The following SHISAL2B variants were observed in gnomAD, a reference collection of about 807,000 sequenced individuals.
SHISAL2B encodes the protein protein shisa-like-2B.
Under a neutral mutation model 16.5 loss-of-function variants are expected in SHISAL2B, and 12 were observed. The ratio of observed to expected loss-of-function variants is 0.73; its 90% confidence interval spans 0.47 to 1.18. The LOEUF (loss-of-function observed/expected upper bound fraction) is 1.18. Among genes scored for constraint, SHISAL2B ranks in the 50% most tolerant of loss-of-function variants. SHISAL2B has a pLI of 0.00. For missense variants in SHISAL2B, 183 were observed against 193.6 expected (o/e 0.95, Z 0.33); for synonymous variants, 72 against 75.0 (o/e 0.96, Z 0.21).
At chr5:64,711,218 A>G (rs1327142633) in intron 2 of SHISAL2B, among the ~76,000 whole-genome samples, 12 of 135,118 alleles carry the variant, frequency 8.9e-5, no homozygotes, top group East Asian at 2.2e-4. Context: ...TCCCATCAAT[A>G]CCTAATTTAT....
chr5:64,712,607 T>A (rs1178821274), intron 2 of SHISAL2B, among the ~76,000 whole-genome samples: 1 of 151,262 alleles, frequency 6.6e-6, no homozygotes, highest in Non-Finnish European at 1.5e-5. Flanking sequence ...TGACTTTCTG[T>A]CTCGTTGATC....
chr5:64,696,324 CAAATTGATTGTA>C (rs1741733989), intron 2 of SHISAL2B, among the ~76,000 whole-genome samples: 1 of 152,134 alleles, frequency 6.6e-6, no homozygotes, highest in Non-Finnish European at 1.5e-5. Flanking sequence ...TTAAACTGTA[CAAATTGATTGTA>C]AAACATGTGT....
At chr5:64,699,547 A>C (rs1364314233) in intron 2 of SHISAL2B, among the ~76,000 whole-genome samples, 1 of 152,254 alleles carries the variant, frequency 6.6e-6, no homozygotes, top group Non-Finnish European at 1.5e-5. Flanking sequence ...GGAATATAAT[A>C]GAATATTTAA....
intron 2 of SHISAL2B, among the ~76,000 whole-genome samples, chr5:64,716,702 A>T (rs952456036): frequency 3.3e-5 from 5 of 152,182 alleles, no homozygotes; most frequent in East Asian, 3.9e-4. Flanking sequence ...TCAGTGCAAA[A>T]GTCCTAAGGG....
chr5:64,713,598 T>C (rs1324192625), intron 2 of SHISAL2B, among the ~76,000 whole-genome samples: 1 of 104,674 alleles, frequency 9.6e-6, no homozygotes, highest in African/African-American at 6.2e-5. Flanking sequence ...CCTTGCTAGA[T>C]TGGGGAAGTT....
At position 64,690,792 on chromosome 5, in the gene SHISAL2B, C is replaced by T; in HGVS notation, c.169C>T (p.His57Tyr). 1 of 1,543,348 alleles carries T rather than the reference C, an allele frequency of 6.5e-7. No individual in the cohort carries two copies. Among genetic ancestry groups the T allele is most frequent in the Non-Finnish European group, 8.7e-7 (1 of 1,151,246 alleles). Residue 57 changes from histidine (H) to tyrosine (Y), a missense_variant, in exon 1 of 3, where the codon CAC becomes TAC. Transcript: ENST00000389074. ...GCCGGGCAGCTACTTCCCCTACAAG[C>T]ACAGCTACATGTGGAGCCTCAGGTG... ...SEPGSYFPYKHSYMWSLSIGA... is the reference protein window; with the variant it reads ...SEPGSYFPYKYSYMWSLSIGA...
chr5:64,696,363 A>T (rs1741734766), intron 2 of SHISAL2B, among the ~76,000 whole-genome samples: 1 of 152,196 alleles, frequency 6.6e-6, no homozygotes, highest in Non-Finnish European at 1.5e-5. Flanking sequence ...ACAATATGAA[A>T]TCAGTGCACC....
intron 1 of SHISAL2B, among the ~76,000 whole-genome samples, chr5:64,695,225 A>G (rs975025794): frequency 1.3e-4 from 19 of 149,866 alleles, no homozygotes; most frequent in Non-Finnish European, 5.9e-5. Context: ...AGATTGTGCC[A>G]TTGCACTCTA....
At chr5:64,697,845 C>A (rs275831) in intron 2 of SHISAL2B, among the ~76,000 whole-genome samples, 25,417 of 152,126 alleles carry the variant, frequency 0.17, 2,585 homozygotes, top group Non-Finnish European at 0.23. Flanking sequence ...TTATGGGGTA[C>A]CTGTTCTGTG....
chr5:64,703,402 TTA>T (rs1441151354), intron 2 of SHISAL2B, among the ~76,000 whole-genome samples: 1 of 152,190 alleles, frequency 6.6e-6, no homozygotes, highest in Non-Finnish European at 1.5e-5. Flanking sequence ...GCCTAGAATT[TTA>T]TACAACTGCT....
Position 64,690,621 on chromosome 5 carries a change from G to C in SHISAL2B, c.-3G>C. Reference sequence around the variant, plus strand: ...CGCGAGCCTCTCCCGGCCCCTGCCCGCGATGAGCGAGGCCAGCCGACTGTG... The same window carrying C: ...CGCGAGCCTCTCCCGGCCCCTGCCCCCGATGAGCGAGGCCAGCCGACTGTG... On this transcript the variant is annotated 5_prime_UTR_variant, in exon 1 of 3. Transcript: ENST00000389074. 6.7e-7 allele frequency: 1 copy of C among 1,484,146 alleles called. No individual in the cohort carries two copies. The highest frequency in any genetic ancestry group is 1.3e-5 in the South Asian group (1 of 77,826). 91.9% of individuals were successfully genotyped at this position (1,484,146 alleles called of 1,614,324 possible). A position where few individuals can be genotyped will look rare whatever the true frequency, so the allele number is the denominator to read the frequency against.
chr5:64,697,375 A>G (rs1741754149), intron 2 of SHISAL2B, among the ~76,000 whole-genome samples: 1 of 152,256 alleles, frequency 6.6e-6, no homozygotes, highest in Admixed American at 6.5e-5. Flanking sequence ...ATTGCAAACT[A>G]GTTAAAATAT....
At chr5:64,694,075 C>T (rs1418286158) in intron 1 of SHISAL2B, 1 of 455,858 alleles carries the variant, frequency 2.2e-6, no homozygotes, top group Admixed American at 2.4e-5. Flanking sequence ...CCTTCCCTCC[C>T]TTTTGGTACA....
chr5:64,708,912 A>G (rs1580525015), intron 2 of SHISAL2B, among the ~76,000 whole-genome samples: 1 of 152,010 alleles, frequency 6.6e-6, no homozygotes, highest in Admixed American at 6.6e-5. Context: ...TAAAGTCATT[A>G]TTGTGCCACT....
intron 2 of SHISAL2B, among the ~76,000 whole-genome samples, chr5:64,696,242 C>G (rs116545078): frequency 0.062 from 9,511 of 152,254 alleles, 398 homozygotes; most frequent in Middle Eastern, 0.088. Flanking sequence ...TTATGCCTGT[C>G]TTTACCATAA....
intron 1 of SHISAL2B, chr5:64,694,079 T>G (rs771836871): frequency 2.0e-5 from 9 of 455,718 alleles, no homozygotes; most frequent in Non-Finnish European, 3.5e-5. Flanking sequence ...CCCTCCCTTT[T>G]GGTACAGGTC....
intron 2 of SHISAL2B, among the ~76,000 whole-genome samples, chr5:64,713,366 C>T (rs1414701178): frequency 1.9e-4 from 17 of 89,910 alleles, no homozygotes; most frequent in African/African-American, 1.5e-3. Context: ...TGAATATTGG[C>T]CCCCACTCTC....
rs565971092 is a variant in SHISAL2B at position 64,717,441 on chromosome 5, T to C, written c.350-448T>C. ...ATTTTGGACTCATATTTATATGGAGTGAGTGAATGGGATTGTGGCACTACT... is the reference window on the plus strand; with the variant it reads ...ATTTTGGACTCATATTTATATGGAGCGAGTGAATGGGATTGTGGCACTACT... On this transcript the variant is annotated intron_variant, in intron 2 of 2. Transcript: ENST00000389074. Among the ~76,000 whole-genome samples, 7 of 152,282 alleles carry C rather than the reference T, an allele frequency of 4.6e-5. No homozygotes were observed. The South Asian group carries it at 8.3e-4, about 18-fold the overall frequency.
intron 1 of SHISAL2B, among the ~76,000 whole-genome samples, chr5:64,692,723 C>G (rs185020268): frequency 3.9e-5 from 6 of 152,294 alleles, no homozygotes; most frequent in African/African-American, 1.4e-4. Flanking sequence ...GACCCTCTCT[C>G]AAAGCTTGTA....
Sources: allele counts gnomAD v4.1 joint callset (sites outside exome capture counted in the v4.1 genomes callset), GRCh38; gene constraint gnomAD v4.1.1; transcripts MANE v1.5; gene names NCBI Gene and HGNC (gene_info 2026-07-23, HGNC 2026-07-21).